ROBO2: variants seen among roughly 807,000 people sequenced by gnomAD.
The protein encoded by ROBO2 is roundabout guidance receptor 2, also known as roundabout homolog 2.
Under a neutral mutation model 160.8 loss-of-function variants are expected in ROBO2, and 53 were observed. That is an observed-to-expected ratio of 0.33 (90% confidence interval 0.26 to 0.41). The LOEUF is 0.41. Among genes scored for constraint, ROBO2 ranks in the 10% least tolerant of loss-of-function variants. The pLI is 1.00. For missense variants in ROBO2, 1,577 were observed against 1,722.4 expected (o/e 0.92, Z 1.49); for synonymous variants, 664 against 611.7 (o/e 1.09, Z -1.26).
chr3:77,549,122 T>C (rs1331212724), intron 7 of ROBO2, among the ~76,000 whole-genome samples: 1 of 151,922 alleles, frequency 6.6e-6, no homozygotes, highest in Non-Finnish European at 1.5e-5. Context: ...TAATCCATTT[T>C]CTTTTGCCTA....
At chr3:76,461,649 A>C (rs2078092677) in intron 2 of ROBO2, among the ~76,000 whole-genome samples, 1 of 152,228 alleles carries the variant, frequency 6.6e-6, no homozygotes, top group African/African-American at 2.4e-5. Flanking sequence ...TTCATCTGAA[A>C]ATATTTCAGA....
intron 2 of ROBO2, among the ~76,000 whole-genome samples, chr3:77,163,946 G>A (rs1579528626): frequency 6.6e-6 from 1 of 152,164 alleles, no homozygotes; most frequent in African/African-American, 2.4e-5. Context: ...ATAGAGTTCT[G>A]TTCTTAAGTT....
At chr3:76,917,755 T>A (rs879269293) in intron 2 of ROBO2, among the ~76,000 whole-genome samples, 2 of 147,452 alleles carry the variant, frequency 1.4e-5, no homozygotes, top group Admixed American at 1.3e-4. Context: ...TAAAAAAAAA[T>A]GTCTAAGATC....
intron 2 of ROBO2, among the ~76,000 whole-genome samples, chr3:77,409,326 C>G (rs748814457): frequency 6.6e-6 from 1 of 151,738 alleles, no homozygotes; most frequent in Non-Finnish European, 1.5e-5. Flanking sequence ...GAATCTTACT[C>G]TTTTTGTATT....
At chr3:76,885,754 G>T (rs969609897) in intron 2 of ROBO2, among the ~76,000 whole-genome samples, 11 of 152,130 alleles carry the variant, frequency 7.2e-5, no homozygotes, top group African/African-American at 2.7e-4. Flanking sequence ...TGGGGCCCTT[G>T]AACACTTATC....
At chr3:77,099,726 T>C (rs1037722476) in intron 2 of ROBO2, among the ~76,000 whole-genome samples, 1 of 152,122 alleles carries the variant, frequency 6.6e-6, no homozygotes, top group African/African-American at 2.4e-5. Flanking sequence ...TATTGATTTT[T>C]TTCCCCCAAC....
At chr3:77,059,945 G>A (rs1283239664) in intron 1 of ROBO2, among the ~76,000 whole-genome samples, 1 of 151,900 alleles carries the variant, frequency 6.6e-6, no homozygotes, top group African/African-American at 2.4e-5. Context: ...CACCAGGGGG[G>A]TTACAGTGGT....
intron 2 of ROBO2, among the ~76,000 whole-genome samples, chr3:76,175,159 G>A (rs1232709625): frequency 6.6e-6 from 1 of 151,860 alleles, no homozygotes. Flanking sequence ...ATGGCTCTCT[G>A]CTTGTCTATT....
At chr3:77,161,532 G>T (rs1453356209) in intron 2 of ROBO2, among the ~76,000 whole-genome samples, 1 of 152,112 alleles carries the variant, frequency 6.6e-6, no homozygotes, top group Non-Finnish European at 1.5e-5. Flanking sequence ...AAATACTTTT[G>T]CATAACCTGA....
chr3:77,542,584 T>C (rs1405855552), intron 6 of ROBO2, among the ~76,000 whole-genome samples: 1 of 152,300 alleles, frequency 6.6e-6, no homozygotes, highest in East Asian at 1.9e-4. Context: ...TTGTTAGTGG[T>C]CTTTAAAATA....
intron 2 of ROBO2, among the ~76,000 whole-genome samples, chr3:77,366,787 G>GAGAGAGAGAAAGAGACAC (rs1238284054): frequency 1.3e-5 from 2 of 151,958 alleles, no homozygotes; most frequent in Non-Finnish European, 2.9e-5. Context: ...GAAAGAGACA[G>GAGAGAGAGAAAGAGACAC]AGAGAGAGAT....
chr3:76,790,531 C>T (rs1458906126), intron 2 of ROBO2, among the ~76,000 whole-genome samples: 1 of 151,680 alleles, frequency 6.6e-6, no homozygotes, highest in African/African-American at 2.4e-5. Flanking sequence ...GTATTTAATA[C>T]ATCTAACCTG....
At chr3:76,269,293 A>G (rs536321147) in intron 2 of ROBO2, among the ~76,000 whole-genome samples, 1 of 152,206 alleles carries the variant, frequency 6.6e-6, no homozygotes, top group South Asian at 2.1e-4. Flanking sequence ...AATATGTACA[A>G]CTACTAGGTA....
rs1427541765 is a variant in ROBO2, at chr3:76,869,962, C to T, written c.110-228052C>T. Among the ~76,000 whole-genome samples, 3 of 152,094 alleles carry T rather than the reference C, an allele frequency of 2.0e-5. No homozygotes were observed. The East Asian group carries it at 5.8e-4, about 29-fold the overall frequency. ...ACAGTTATGACACACCTAAGACTTC[C>T]TCCCAATTAAAGTACTCTACTCTCA... is the stretch of plus-strand genomic sequence containing the variant. On this transcript the variant is annotated intron_variant, in intron 2 of 26. Transcript: ENST00000487694.
intron 20 of ROBO2, among the ~76,000 whole-genome samples, chr3:77,604,634 G>A (rs1202214624): frequency 6.6e-6 from 1 of 152,036 alleles, no homozygotes; most frequent in Non-Finnish European, 1.5e-5. Flanking sequence ...ATGATAGAAA[G>A]CATTCTTTAG....
chr3:77,051,970 A>G (rs567290621), intron 1 of ROBO2, among the ~76,000 whole-genome samples: 3 of 152,340 alleles, frequency 2.0e-5, no homozygotes, highest in South Asian at 2.1e-4. Flanking sequence ...ATTATTTAGC[A>G]TTTACTGAAC....
chr3:77,392,361 G>T (rs188979706), intron 2 of ROBO2, among the ~76,000 whole-genome samples: 1 of 152,304 alleles, frequency 6.6e-6, no homozygotes, highest in African/African-American at 2.4e-5. Context: ...CGGGTGACAG[G>T]ATAAGCTGCA....
intron 2 of ROBO2, among the ~76,000 whole-genome samples, chr3:76,331,009 GA>G (rs1445495078): frequency 5.9e-5 from 9 of 152,096 alleles, no homozygotes; most frequent in African/African-American, 1.9e-4. Flanking sequence ...GTATATATAT[GA>G]ATCAAATGTT....
In ROBO2 at chr3:76,286,049, C is replaced by T. The variant is rs531347546; in HGVS notation, c.109+348447C>T. ...TACAAAAATGGATAATATGTAAACA[C>T]TTCTCCTAAGTAGTTCACAGTTCAT... On this transcript the variant is annotated intron_variant, in intron 2 of 26. Transcript: ENST00000487694. Among the ~76,000 whole-genome samples the T allele has an allele frequency of 1.6e-3, 239 of 152,284 alleles. 1 individual carries two copies. Among genetic ancestry groups the T allele is most frequent in the African/African-American group, 5.1e-3 (210 of 41,558 alleles).
Sources: allele counts gnomAD v4.1 joint callset (sites outside exome capture counted in the v4.1 genomes callset), GRCh38; gene constraint gnomAD v4.1.1; transcripts MANE v1.5; gene names NCBI Gene and HGNC (gene_info 2026-07-23, HGNC 2026-07-21).